TMEM200A: variants seen among roughly 807,000 people sequenced by gnomAD.
TMEM200A encodes the protein transmembrane protein 200A.
In TMEM200A, 12 loss-of-function variants were observed where a neutral mutation model predicts 24.3. The ratio of observed to expected loss-of-function variants is 0.49; its 90% confidence interval spans 0.32 to 0.80. TMEM200A has a LOEUF of 0.80. TMEM200A is among the 30% of genes least tolerant of loss of function. The pLI is 0.04. For synonymous variants in TMEM200A, 224 were observed against 224.4 expected (o/e 1.00, Z 0.02); for missense variants, 545 against 614.4 (o/e 0.89, Z 1.19).
chr6:130,387,484 G>T (rs1365810015), intron 2 of TMEM200A, among the ~76,000 whole-genome samples: 1 of 152,152 alleles, frequency 6.6e-6, no homozygotes, highest in African/African-American at 2.4e-5. Context: ...TGTTGGCCAG[G>T]CTGGTCTCGA....
At chr6:130,410,071 A>G (rs2115156487) in intron 2 of TMEM200A, among the ~76,000 whole-genome samples, 1 of 152,302 alleles carries the variant, frequency 6.6e-6, no homozygotes, top group South Asian at 2.1e-4. Context: ...ATTGAATATC[A>G]TATATTTTGA....
At chr6:130,388,035 C>T (rs747191353) in intron 2 of TMEM200A, among the ~76,000 whole-genome samples, 8 of 152,106 alleles carry the variant, frequency 5.3e-5, no homozygotes, top group Non-Finnish European at 7.3e-5. Context: ...TTGAAGGTAG[C>T]ATAGCAAGTG....
rs1780230434 is a variant in TMEM200A at position 130,442,844 on chromosome 6, A to T, written c.*946A>T. ...GTATTCTTTAGATCCTAGTATTTGGAAAACAATCGGCTAACCTTGACATTT... is the reference window on the plus strand; with the variant it reads ...GTATTCTTTAGATCCTAGTATTTGGTAAACAATCGGCTAACCTTGACATTT... On this transcript the variant is annotated 3_prime_UTR_variant, in exon 3 of 3. Transcript: ENST00000296978. 1 of 166,988 alleles carries T rather than the reference A, an allele frequency of 6.0e-6. No individual in the cohort carries two copies. The highest frequency in any genetic ancestry group is 6.5e-5 in the Admixed American group (1 of 15,270). 10.3% of individuals were successfully genotyped at this position (166,988 alleles called of 1,614,324 possible).
chr6:130,412,539 C>T (rs1441696220), intron 2 of TMEM200A, among the ~76,000 whole-genome samples: 2 of 152,188 alleles, frequency 1.3e-5, no homozygotes, highest in South Asian at 2.1e-4. Context: ...TGTGCCTAGA[C>T]ACCCCCACTC....
intron 2 of TMEM200A, among the ~76,000 whole-genome samples, chr6:130,427,463 G>C (rs1779771561): frequency 6.6e-6 from 1 of 152,132 alleles, no homozygotes; most frequent in East Asian, 1.9e-4. Context: ...TTGTTTCCAA[G>C]TTGTTGCCAT....
chr6:130,370,031 G>T (rs1244169165), intron 1 of TMEM200A, among the ~76,000 whole-genome samples: 1 of 152,206 alleles, frequency 6.6e-6, no homozygotes. Context: ...GGACCAGAAA[G>T]TCCAAAGGTG....
chr6:130,425,870 T>TA (rs1779722290), intron 2 of TMEM200A, among the ~76,000 whole-genome samples: 3 of 152,146 alleles, frequency 2.0e-5, no homozygotes, highest in South Asian at 4.1e-4. Context: ...ACAGCAAAGC[T>TA]AAAAAATAGT....
chr6:130,388,988 A>T (rs1012927349), intron 2 of TMEM200A, among the ~76,000 whole-genome samples: 11 of 152,180 alleles, frequency 7.2e-5, no homozygotes, highest in African/African-American at 2.7e-4. Context: ...AATAAATTTT[A>T]TAGAAAATAT....
intron 2 of TMEM200A, among the ~76,000 whole-genome samples, chr6:130,393,611 T>TTTTTCTGTG (rs1360523843): frequency 1.3e-5 from 2 of 152,216 alleles, no homozygotes; most frequent in African/African-American, 4.8e-5. Flanking sequence ...GTGATAGTGT[T>TTTTTCTGTG]TTGTCATTTT....
chr6:130,369,387 C>A (rs1343937206), intron 1 of TMEM200A, among the ~76,000 whole-genome samples: 1 of 152,144 alleles, frequency 6.6e-6, no homozygotes, highest in Non-Finnish European at 1.5e-5. Flanking sequence ...CCTGAGTAAA[C>A]AGGAGAGAGA....
chr6:130,430,903 T>G (rs1779860079), intron 2 of TMEM200A, among the ~76,000 whole-genome samples: 1 of 152,232 alleles, frequency 6.6e-6, no homozygotes, highest in Admixed American at 6.5e-5. Flanking sequence ...TACCATCAAT[T>G]GGAAAACTTC....
chr6:130,384,784 T>A (rs1778676103), intron 1 of TMEM200A, among the ~76,000 whole-genome samples: 1 of 152,238 alleles, frequency 6.6e-6, no homozygotes, highest in Non-Finnish European at 1.5e-5. Context: ...CAAATCACAT[T>A]ACAATGAACT....
chr6:130,441,722 G>C lies in TMEM200A; in HGVS notation c.1300G>C (p.Glu434Gln), dbSNP rs1780193025. The change falls in exon 3 of 3, where the codon GAG becomes CAG. Residue 434 changes from glutamate to glutamine, a missense_variant. Coordinates refer to ENST00000296978, the MANE Select transcript of TMEM200A (RefSeq NM_001258277.2). ...RNNSKGYMKL[E>Q]NKEDPMDRLL... ...CAACAGCAAGGGATATATGAAACTA[G>C]AGAACAAAGAAGACCCGATGGATAG... The C allele has an allele frequency of 1.2e-6, 2 of 1,614,042 alleles. No homozygotes were observed. The highest frequency in any genetic ancestry group is 1.7e-6 in the Non-Finnish European group (2 of 1,179,984).
chr6:130,369,528 G>A (rs1583166961), intron 1 of TMEM200A, among the ~76,000 whole-genome samples: 1 of 152,188 alleles, frequency 6.6e-6, no homozygotes, highest in East Asian at 1.9e-4. Context: ...GATTATTGAT[G>A]TTTAATCTTA....
At chr6:130,438,584 A>G (rs528508266) in intron 2 of TMEM200A, 1 of 152,222 alleles carries the variant, frequency 6.6e-6, no homozygotes. Flanking sequence ...TTGTTTGTTC[A>G]TATTTTTAAC....
chr6:130,410,492 T>A (rs1055674219), intron 2 of TMEM200A, among the ~76,000 whole-genome samples: 1 of 152,204 alleles, frequency 6.6e-6, no homozygotes, highest in Non-Finnish European at 1.5e-5. Context: ...AAAAGAACCA[T>A]GTAAAGAAAA....
At chr6:130,424,422 C>T (rs1779677690) in intron 2 of TMEM200A, among the ~76,000 whole-genome samples, 1 of 152,124 alleles carries the variant, frequency 6.6e-6, no homozygotes, top group Non-Finnish European at 1.5e-5. Context: ...CTGATTTTCA[C>T]TCTTTCTTCT....
intron 2 of TMEM200A, among the ~76,000 whole-genome samples, chr6:130,389,103 A>C (rs139488343): frequency 3.3e-5 from 5 of 152,332 alleles, no homozygotes; most frequent in Middle Eastern, 6.8e-3. Context: ...TGTAAAATAC[A>C]GTTTTAGATT....
At chr6:130,420,680 C>T (rs1583216467) in intron 2 of TMEM200A, among the ~76,000 whole-genome samples, 1 of 152,262 alleles carries the variant, frequency 6.6e-6, no homozygotes, top group South Asian at 2.1e-4. Context: ...TGACATTCTT[C>T]AGCCTCGGGT....
Sources: gnomAD v4.1 joint callset for allele counts (sites outside exome capture counted in the v4.1 genomes callset) on GRCh38, gnomAD v4.1.1 for gene constraint, MANE v1.5 for transcripts, NCBI Gene and HGNC (gene_info 2026-07-23, HGNC 2026-07-21) for gene names.